TRIM16: variants seen among roughly 807,000 people sequenced by gnomAD.
TRIM16 encodes the protein tripartite motif-containing protein 16.
Under a neutral mutation model 50.4 loss-of-function variants are expected in TRIM16, and 33 were observed. The ratio of observed to expected loss-of-function variants is 0.65; its 90% confidence interval spans 0.50 to 0.88. The LOEUF is 0.88. TRIM16 is among the 40% of genes least tolerant of loss of function. The pLI is 0.00. For synonymous variants in TRIM16, 229 were observed against 270.7 expected (o/e 0.85, Z 1.51); for missense variants, 581 against 686.8 (o/e 0.85, Z 1.72).
At chr17:15,656,769 A>G (rs1041116009) in intron 6 of TRIM16, among the ~76,000 whole-genome samples, 35 of 152,050 alleles carry the variant, frequency 2.3e-4, no homozygotes, top group East Asian at 1.2e-3. Flanking sequence ...TTGTTTTTTG[A>G]AACAGGGTCT....
chr17:15,649,570 G>T (rs1428637550), intron 7 of TRIM16, among the ~76,000 whole-genome samples: 1 of 152,202 alleles, frequency 6.6e-6, no homozygotes, highest in Non-Finnish European at 1.5e-5. Context: ...ACAGGTGTCA[G>T]TCACCGTGCC....
At chr17:15,681,028 T>G (rs1490289026) in intron 3 of TRIM16, 75 bp from the exon 4 acceptor site, 1 of 1,296,612 alleles carries the variant, frequency 7.7e-7, no homozygotes, top group African/African-American at 1.5e-5. Flanking sequence ...AAACAGCCAC[T>G]TATGAGAAAA....
At chr17:15,658,885 A>C in intron 6 of TRIM16, 1 of 985,390 alleles carries the variant, frequency 1.0e-6, no homozygotes, top group Non-Finnish European at 1.2e-6. Flanking sequence ...TCCTAAAAGA[A>C]GAAGATGGCC....
At chr17:15,665,322 ACC>A (rs1988444290) in intron 6 of TRIM16, among the ~76,000 whole-genome samples, 1 of 152,038 alleles carries the variant, frequency 6.6e-6, no homozygotes, top group Admixed American at 6.5e-5. Flanking sequence ...ATCCTGGCTA[ACC>A]CAGTGAAACC....
chr17:15,634,057 C>T lies in TRIM16; in HGVS notation c.850-1383G>A, dbSNP rs796123028. Among the ~76,000 whole-genome samples the T allele has an allele frequency of 2.8e-5, 4 of 144,690 alleles. 1 individual carries two copies. The highest frequency in any genetic ancestry group is 1.0e-4 in the African/African-American group (4 of 38,906). The allele number at this position is 144,690 out of a possible 152,430, so 94.9% of individuals were successfully genotyped here. A position where few individuals can be genotyped will look rare whatever the true frequency, so the allele number is the denominator to read the frequency against. ...AAAATAAAAAAAATTTGGCCAGGCA[C>T]GGTGGCTCATGCCTGTAATCCCAGC... On this transcript the variant is annotated intron_variant, in intron 9 of 11. Transcript: ENST00000649191.
rs996058885 is a variant in TRIM16 at position 15,634,832 on chromosome 17, AAAAT to A, written c.849+1200_849+1203del. 7.4e-5 allele frequency among the ~76,000 whole-genome samples: 11 copies of A among 148,960 alleles called. 2 individuals are homozygous for A. Among genetic ancestry groups the A allele is most frequent in the South Asian group, 4.4e-4 (2 of 4,596 alleles). On this transcript the variant is annotated intron_variant, in intron 9 of 11. Coordinates refer to ENST00000649191, the MANE Select transcript of TRIM16 (RefSeq NM_001348119.1). ...TCTCAAAAAACAACACACACACACAAAAATAAATAAAGTTACAAAACGAGAAAAG... is the reference window on the plus strand; with the variant it reads ...TCTCAAAAAACAACACACACACACAAAAATAAAGTTACAAAACGAGAAAAG...
Position 15,651,895 on chromosome 17 carries a change from A to G in TRIM16, c.-286T>C. 7.3e-7 allele frequency: 1 copy of G among 1,364,312 alleles called. No homozygotes were observed. The highest frequency in any genetic ancestry group is 9.5e-7 in the Non-Finnish European group (1 of 1,056,370). 84.5% of individuals were successfully genotyped at this position (1,364,312 alleles called of 1,614,324 possible). A position where few individuals can be genotyped will look rare whatever the true frequency, so the allele number is the denominator to read the frequency against. Reference sequence around the variant, plus strand: ...CCCTGAAACTTCTATTCTTATGTGAATCATCTGAACCCCATAGGCTCTGCT... The same window carrying G: ...CCCTGAAACTTCTATTCTTATGTGAGTCATCTGAACCCCATAGGCTCTGCT... On this transcript the variant is annotated 5_prime_UTR_variant, in exon 7 of 12. Transcript: ENST00000649191.
intron 4 of TRIM16, 74 bp from the exon 5 acceptor site, chr17:15,677,795 C>A: frequency 1.0e-6 from 1 of 976,452 alleles, no homozygotes; most frequent in Non-Finnish European, 1.2e-6. Context: ...AAACTATGTT[C>A]ACAGTGTCAA....
intron 11 of TRIM16, among the ~76,000 whole-genome samples, chr17:15,631,276 A>C (rs1290218943): frequency 6.6e-6 from 1 of 152,228 alleles, no homozygotes; most frequent in African/African-American, 2.4e-5. Context: ...ACTTGGTGAA[A>C]GCTGAATAAA....
intron 6 of TRIM16, among the ~76,000 whole-genome samples, chr17:15,666,285 T>C (rs938648955): frequency 6.6e-6 from 1 of 152,238 alleles, no homozygotes; most frequent in African/African-American, 2.4e-5. Context: ...TCTCACTGTA[T>C]TGCCCAAGTT....
rs372613471 is a variant in TRIM16, at chr17:15,676,340, C to G, written c.-338+836G>C. Among the ~76,000 whole-genome samples, 15 of 152,194 alleles carry G rather than the reference C, an allele frequency of 9.9e-5. No homozygotes were observed. The East Asian group carries it at 2.9e-3, about 29-fold the overall frequency. On this transcript the variant is annotated intron_variant, in intron 6 of 11. Transcript: ENST00000649191. ...GAGAAACTGAACTCATCTTCCACTC[C>G]CTAAATTTGCTACTTCTCCTGTGTT...
At chr17:15,650,661 T>C (rs961143828) in intron 7 of TRIM16, among the ~76,000 whole-genome samples, 3 of 152,210 alleles carry the variant, frequency 2.0e-5, no homozygotes, top group African/African-American at 7.2e-5. Flanking sequence ...GAGTTGTTCT[T>C]TTCTCTTGAA....
intron 7 of TRIM16, 149 bp downstream of exon 7, chr17:15,650,942 T>A: frequency 8.6e-7 from 1 of 1,158,406 alleles, no homozygotes. Context: ...ATATTTACAC[T>A]GACCCAGCAG....
intron 8 of TRIM16, among the ~76,000 whole-genome samples, chr17:15,637,917 G>A (rs1986916424): frequency 7.0e-6 from 1 of 142,038 alleles, no homozygotes; most frequent in African/African-American, 2.7e-5. Flanking sequence ...AAATTCCTCT[G>A]CTTTGGGATC....
intron 6 of TRIM16, among the ~76,000 whole-genome samples, chr17:15,660,791 G>C (rs1988192172): frequency 6.6e-6 from 1 of 151,152 alleles, no homozygotes; most frequent in African/African-American, 2.4e-5. Flanking sequence ...CCAGCTACTT[G>C]GGAGGCTGAG....
chr17:15,641,869 G>T (rs1047012435), intron 8 of TRIM16, among the ~76,000 whole-genome samples: 1 of 148,268 alleles, frequency 6.7e-6, no homozygotes, highest in Non-Finnish European at 1.5e-5. Flanking sequence ...TTGAAACAGA[G>T]TCTTACTCTG....
chr17:15,633,742 A>T (rs1276335410), intron 9 of TRIM16, among the ~76,000 whole-genome samples: 2 of 149,800 alleles, frequency 1.3e-5, no homozygotes, highest in Non-Finnish European at 3.0e-5. Context: ...GGGTTTCACC[A>T]TGTTGGTCAG....
chr17:15,655,810 G>T (rs1286019406), intron 6 of TRIM16, among the ~76,000 whole-genome samples: 2 of 152,092 alleles, frequency 1.3e-5, no homozygotes, highest in African/African-American at 4.8e-5. Flanking sequence ...TCCTGACCTC[G>T]TGATCTGCCC....
chr17:15,675,300 G>C (rs2151424513), intron 6 of TRIM16, among the ~76,000 whole-genome samples: 3 of 152,294 alleles, frequency 2.0e-5, no homozygotes, highest in Admixed American at 2.0e-4. Flanking sequence ...CATCGCCACT[G>C]TAACAACCTA....
Sources: gnomAD v4.1 joint callset for allele counts (sites outside exome capture counted in the v4.1 genomes callset) on GRCh38, gnomAD v4.1.1 for gene constraint, MANE v1.5 for transcripts, NCBI Gene and HGNC (gene_info 2026-07-23, HGNC 2026-07-21) for gene names.